Variants in GRIP1 observed in about 807,000 individuals in gnomAD.
GRIP1 encodes glutamate receptor-interacting protein 1.
GRIP1 carries 45 observed loss-of-function variants against 129.9 expected under a neutral mutation model. The observed-to-expected ratio is 0.35, with a 90% CI of 0.27 to 0.44. The LOEUF (loss-of-function observed/expected upper bound fraction) is 0.44. Ranked by LOEUF, GRIP1 falls within the 20% of genes least tolerant of loss-of-function variation. GRIP1 has a pLI of 1.00. For missense variants in GRIP1, 1,196 were observed against 1,396.8 expected (o/e 0.86, Z 2.29); for synonymous variants, 530 against 520.8 (o/e 1.02, Z -0.24).
At chr12:66,527,526 G>A (rs948174403) in intron 5 of GRIP1, among the ~76,000 whole-genome samples, 2 of 152,030 alleles carry the variant, frequency 1.3e-5, no homozygotes, top group African/African-American at 2.4e-5. Flanking sequence ...GAGTGTTGTG[G>A]GGTGTGGGGA....
rs78751447 is a variant in GRIP1 at position 66,690,167 on chromosome 12, G to A, written c.-419-59831C>T. ...ACTCCTGGGCTCAAGCAATCCTCCT[G>A]CCTTGGTCTCCTGAAGTGCTAGGAT... On this transcript the variant is annotated intron_variant, in intron 1 of 4. Coordinates refer to the GRIP1 transcript ENST00000538373. Among the ~76,000 whole-genome samples, 785 of 152,116 alleles carry A rather than the reference G, an allele frequency of 5.2e-3. 8 individuals are homozygous for A. Among genetic ancestry groups the A allele is most frequent in the African/African-American group, 0.017 (705 of 41,506 alleles).
At chr12:66,386,294 T>C (rs2056353776) in intron 19 of GRIP1, among the ~76,000 whole-genome samples, 1 of 152,206 alleles carries the variant, frequency 6.6e-6, no homozygotes, top group African/African-American at 2.4e-5. Context: ...AGCATTAATT[T>C]AGAAAAGTGA....
intron 2 of GRIP1, among the ~76,000 whole-genome samples, chr12:66,561,147 T>C (rs889189250): frequency 2.6e-5 from 4 of 152,084 alleles, no homozygotes; most frequent in Non-Finnish European, 5.9e-5. Flanking sequence ...ATTGAATTCA[T>C]GGAGCTAGAG....
chr12:66,838,804 A>G (rs1041287451), intron 1 of GRIP1, among the ~76,000 whole-genome samples: 7 of 152,212 alleles, frequency 4.6e-5, no homozygotes, highest in Non-Finnish European at 7.3e-5. Flanking sequence ...CCACCAAGTA[A>G]GAAAGGATGA....
chr12:66,732,690 A>G (rs2036477168), intron 1 of GRIP1, among the ~76,000 whole-genome samples: 1 of 152,196 alleles, frequency 6.6e-6, no homozygotes, highest in South Asian at 2.1e-4. Flanking sequence ...AGAATATAGT[A>G]TATAATACAT....
At chr12:66,681,945 A>C (rs1345685698), upstream of GRIP1, among the ~76,000 whole-genome samples, 1 of 152,184 alleles carries the variant, frequency 6.6e-6, no homozygotes. Flanking sequence ...ACTTTCACAC[A>C]TAATGTATCA....
chr12:66,755,355 C>T (rs142386806), intron 1 of GRIP1, among the ~76,000 whole-genome samples: 3 of 152,194 alleles, frequency 2.0e-5, no homozygotes, highest in African/African-American at 4.8e-5. Context: ...AAGAATGTGG[C>T]GAACTATTTT....
intron 16 of GRIP1, among the ~76,000 whole-genome samples, chr12:66,404,707 G>A (rs1327183074): frequency 6.6e-6 from 1 of 152,074 alleles, no homozygotes; most frequent in Non-Finnish European, 1.5e-5. Context: ...AAAATCCAAT[G>A]GTTTGGAAAG....
intron 1 of GRIP1, among the ~76,000 whole-genome samples, chr12:66,991,631 C>T (rs2042396074): frequency 1.3e-5 from 2 of 152,076 alleles, no homozygotes; most frequent in African/African-American, 4.8e-5. Flanking sequence ...CAATAATGTG[C>T]AACATATTCA....
At chr12:67,048,991 AT>A (rs917293474) in intron 1 of GRIP1, among the ~76,000 whole-genome samples, 1 of 151,756 alleles carries the variant, frequency 6.6e-6, no homozygotes, top group Non-Finnish European at 1.5e-5. Flanking sequence ...CACCTGGCTA[AT>A]TTTTTTTATT....
rs766457382 is a variant in GRIP1 at position 66,541,806 on chromosome 12, G to A, written c.272+9C>T. The A allele has an allele frequency of 3.7e-6, 6 of 1,613,534 alleles. No individual in the cohort carries two copies. In the African/African-American group the frequency reaches 6.7e-5, roughly 18 times the overall value. On this transcript the variant is annotated intron_variant, in intron 3 of 24. Coordinates refer to ENST00000359742, the MANE Select transcript of GRIP1 (RefSeq NM_001366722.1). ...TTCCTTTCAGTAGATTTCCCCAAGA[G>A]GCAGTTACCTAGCAGCAATTCCTCC...
intron 5 of GRIP1, among the ~76,000 whole-genome samples, chr12:66,525,446 T>C (rs1422624629): frequency 6.6e-6 from 1 of 152,082 alleles, no homozygotes; most frequent in African/African-American, 2.4e-5. Flanking sequence ...ATTATCTCAA[T>C]AGATGCAGAA....
Position 66,445,314 on chromosome 12 carries a change from T to A in GRIP1, c.1541+8A>T. 17 of 1,610,868 alleles carry A rather than the reference T, an allele frequency of 1.1e-5. No homozygotes were observed. Among genetic ancestry groups the A allele is most frequent in the Non-Finnish European group, 1.4e-5 (17 of 1,177,060 alleles). The stretch of plus-strand genomic sequence containing the variant: ...CAGAAAATGATGCTGTGAAAGAAAG[T>A]GTCTCACCTCTCTGCTGGGCTGTCA... On this transcript the variant is annotated splice_region_variant and intron_variant, in intron 12 of 24. Coordinates refer to ENST00000359742, the MANE Select transcript of GRIP1 (RefSeq NM_001366722.1).
At chr12:66,824,222 C>T (rs776375540) in intron 1 of GRIP1, among the ~76,000 whole-genome samples, 3 of 152,128 alleles carry the variant, frequency 2.0e-5, no homozygotes, top group African/African-American at 2.4e-5. Flanking sequence ...CCAAAAAAAT[C>T]AGACATACTA....
intron 7 of GRIP1, among the ~76,000 whole-genome samples, chr12:66,483,537 G>T (rs2059865536): frequency 6.6e-6 from 1 of 152,140 alleles, no homozygotes; most frequent in African/African-American, 2.4e-5. Context: ...TTTGGATAAA[G>T]CATGTTTAAT....
intron 1 of GRIP1, among the ~76,000 whole-genome samples, chr12:66,768,365 C>G (rs1291348423): frequency 6.6e-6 from 1 of 152,212 alleles, no homozygotes; most frequent in African/African-American, 2.4e-5. Flanking sequence ...CAAATGCATG[C>G]TCACATACAA....
intron 7 of GRIP1, among the ~76,000 whole-genome samples, chr12:66,465,789 A>G (rs2059269984): frequency 6.6e-6 from 1 of 152,242 alleles, no homozygotes; most frequent in Non-Finnish European, 1.5e-5. Context: ...ACTTAATTCA[A>G]TAAATATCTT....
intron 5 of GRIP1, among the ~76,000 whole-genome samples, chr12:66,525,330 C>A (rs1007788397): frequency 2.0e-5 from 3 of 152,160 alleles, no homozygotes; most frequent in Non-Finnish European, 4.4e-5. Flanking sequence ...AGCTTATCCA[C>A]CATGATCAAG....
intron 15 of GRIP1, among the ~76,000 whole-genome samples, chr12:66,417,814 CAT>C (rs1456846574): frequency 6.6e-6 from 1 of 152,052 alleles, no homozygotes; most frequent in Non-Finnish European, 1.5e-5. Flanking sequence ...AAATAAACTA[CAT>C]GTTTATAAAC....
Sources: gnomAD v4.1 joint callset for allele counts (sites outside exome capture counted in the v4.1 genomes callset) on GRCh38, gnomAD v4.1.1 for gene constraint, MANE v1.5 for transcripts, NCBI Gene and HGNC (gene_info 2026-07-23, HGNC 2026-07-21) for gene names.